DRP2: variants seen among roughly 807,000 people sequenced by gnomAD.
DRP2 encodes the protein dystrophin-related protein 2.
In DRP2, 29 loss-of-function variants were observed where a neutral mutation model predicts 78.2. The ratio of observed to expected loss-of-function variants is 0.37; its 90% CI spans 0.28 to 0.51. DRP2 has a LOEUF of 0.51. Ranked by LOEUF, DRP2 falls within the 20% of genes least tolerant of loss-of-function variation. The pLI is 0.94. For synonymous variants in DRP2, 290 were observed against 281.9 expected, an observed-to-expected ratio of 1.03 and a Z score of -0.29; for missense variants, 686 against 770.6, an observed-to-expected ratio of 0.89 and a Z score of 1.30.
At position 101,235,955 on chromosome X, in the gene DRP2, T is replaced by A. The variant is rs1469336636; in HGVS notation, c.213T>A (p.Ser71=). The A allele has an allele frequency of 8.3e-7, 1 of 1,210,288 alleles. No homozygotes were observed. Among genetic ancestry groups the A allele is most frequent in the Non-Finnish European group, 1.1e-6 (1 of 895,186 alleles). The change falls in exon 4 of 24, where the codon TCT becomes TCA. Residue 71 remains serine (S), a synonymous_variant. Transcript: ENST00000395209. The stretch of plus-strand genomic sequence containing the variant: ...TGTTGAACGGGTCTGTTGGTGCCTC[T>A]GGACCCCTGGAACCACCAGCCATGA... The part of the protein sequence containing the change: ...LKLLNGSVGA[S]GPLEPPAMNL...
intron 21 of DRP2, among the ~76,000 whole-genome samples, chrX:101,256,593 G>A (rs1923346621): frequency 9.3e-6 from 1 of 107,726 alleles, no homozygotes; most frequent in South Asian, 4.2e-4. Context: ...CTGTTGCCCA[G>A]GCTGGAGTGC....
At chrX:101,235,665 C>T (rs1334474112) in intron 3 of DRP2, among the ~76,000 whole-genome samples, 195 bp from the exon 4 acceptor site, 1 of 112,430 alleles carries the variant, frequency 8.9e-6, no homozygotes, top group South Asian at 3.7e-4. Flanking sequence ...TGACCTGTAC[C>T]AAGAGAAGAC....
chrX:101,221,655 T>G, intron 1 of DRP2, among the ~76,000 whole-genome samples: 1 of 112,116 alleles, frequency 8.9e-6, no homozygotes, highest in Non-Finnish European at 1.9e-5. Context: ...ACCCTTCAAG[T>G]CCACCATAAA....
chrX:101,257,657 A>C lies in DRP2; in HGVS notation c.2391-652A>C, dbSNP rs377314224. ...TCCACAACAGAGTGAAAAAAAAAAA[A>C]ACCTGGATTTTTGCCATGAATCATT... On this transcript the variant is annotated intron_variant, in intron 21 of 23. Transcript: ENST00000395209. 2.7e-5 allele frequency among the ~76,000 whole-genome samples: 3 copies of C among 110,395 alleles called. No individual in the cohort carries two copies. In the Admixed American group the frequency reaches 2.9e-4, roughly 11 times the overall value.
At chrX:101,227,315 G>A (rs193242350) in intron 2 of DRP2, among the ~76,000 whole-genome samples, 1 of 111,823 alleles carries the variant, frequency 8.9e-6, no homozygotes, top group Admixed American at 9.5e-5. Flanking sequence ...ACCAGTTGGG[G>A]ACCAAGTCTG....
Position 101,241,904 on chromosome X carries a change from G to C in DRP2, c.796G>C (p.Asp266His). Residue 266 changes from aspartate (D) to histidine (H), a missense_variant, in exon 7 of 24, where the codon GAT becomes CAT. Asp to His is a moderately conservative substitution (Grantham distance 81). Around this residue, in one of 2 missense-constraint regions of DRP2, gnomAD observed 263 missense variants for 239.1 expected, o/e 1.10. Transcript: ENST00000395209. ...TWEPIGDLFIDSLPEHIQAIK... is the reference protein window; with the variant it reads ...TWEPIGDLFIHSLPEHIQAIK... ...GGAGCCCATTGGGGATCTCTTCATT[G>C]ATTCACTCCCAGAGCACATCCAGGC... 8.5e-7 allele frequency: 1 copy of C among 1,170,761 alleles called. No homozygotes were observed.
intron 3 of DRP2, 93 bp from the exon 4 acceptor site, chrX:101,235,767 C>A: frequency 1.1e-6 from 1 of 946,436 alleles, no homozygotes. Context: ...CAACCCTTCT[C>A]TCCCCTTGTT....
chrX:101,231,911 A>G, intron 3 of DRP2, 147 bp downstream of exon 3: 1 of 472,879 alleles, frequency 2.1e-6, no homozygotes. Flanking sequence ...TATTGGGCCC[A>G]TCCTTTATTA....
Position 101,252,705 on chromosome X carries a change from TA to T in DRP2, c.1967del (p.Tyr656PhefsTer11). 8.3e-7 allele frequency: 1 copy of T among 1,208,561 alleles called. No homozygotes were observed. Among genetic ancestry groups the T allele is most frequent in the Non-Finnish European group, 1.1e-6 (1 of 893,105 alleles). On this transcript the variant is annotated frameshift_variant, in exon 17 of 24. Coordinates refer to ENST00000395209, the MANE Select transcript of DRP2 (RefSeq NM_001939.3). LOFTEE classifies it high-confidence loss of function. ...TAAGCTGCACTACCCCATCATGGAG[TA>T]TTACACACCGGTATGAAGCCTCCAG... ...GNKLHYPIME[Y>X]YTPTTSSENM...
chrX:101,220,962 C>G (rs1042758218), intron 1 of DRP2, among the ~76,000 whole-genome samples: 2 of 111,432 alleles, frequency 1.8e-5, no homozygotes, highest in African/African-American at 6.5e-5. Context: ...CCTTTCCCAG[C>G]ATCGGACCAA....
intron 16 of DRP2, among the ~76,000 whole-genome samples, chrX:101,252,292 A>G (rs1209861916): frequency 9.0e-6 from 1 of 111,672 alleles, no homozygotes; most frequent in Non-Finnish European, 1.9e-5. Flanking sequence ...TTAGAAGGCC[A>G]TTTGATATGA....
At chrX:101,225,171 A>AGACC (rs36040534) in intron 2 of DRP2, among the ~76,000 whole-genome samples, 43,191 of 110,098 alleles carry the variant, frequency 0.39, 6,973 homozygotes, top group African/African-American at 0.57. Flanking sequence ...GTGCTGCCCC[A>AGACC]TTAGACTCAC....
chrX:101,236,105 C>T (rs1922495317), intron 4 of DRP2, 82 bp downstream of exon 4: 1 of 1,033,194 alleles, frequency 9.7e-7, no homozygotes, highest in African/African-American at 1.9e-5. Context: ...CTCCTCTCAG[C>T]CTGTGCATCC....
chrX:101,224,327 T>C (rs1386048240), intron 1 of DRP2, among the ~76,000 whole-genome samples: 1 of 93,190 alleles, frequency 1.1e-5, no homozygotes, highest in African/African-American at 4.0e-5. Context: ...GAGGTTGCAG[T>C]GAGCCGAGAT....
chrX:101,249,918 A>C (rs1220371893), intron 14 of DRP2, among the ~76,000 whole-genome samples: 4 of 111,542 alleles, frequency 3.6e-5, no homozygotes. Flanking sequence ...CTCTTTTTGG[A>C]TTATGCATGC....
At chrX:101,252,581 C>G (rs1452891204) in intron 16 of DRP2, 24 bp from the exon 17 acceptor site, 2 of 1,185,153 alleles carry the variant, frequency 1.7e-6, no homozygotes, top group Admixed American at 2.2e-5. Flanking sequence ...ACTCTCTTTC[C>G]TACTACATCT....
intron 2 of DRP2, among the ~76,000 whole-genome samples, chrX:101,230,547 T>A (rs1922269786): frequency 9.1e-6 from 1 of 110,067 alleles, no homozygotes; most frequent in Non-Finnish European, 1.9e-5. Context: ...AATAAATAAA[T>A]AAAATAAAAT....
At position 101,246,681 on chromosome X, in the gene DRP2, T is replaced by C. The variant is rs147968038; in HGVS notation, c.1178-409T>C. On this transcript the variant is annotated intron_variant, in intron 11 of 23. Coordinates refer to ENST00000395209, the MANE Select transcript of DRP2 (RefSeq NM_001939.3). ...TGCAACAGATCCTTAGCAAGAGTCA[T>C]AGTTGATATTAATTTTGTTGTTTTC... is the stretch of plus-strand genomic sequence containing the variant. Among the ~76,000 whole-genome samples, 3 of 112,545 alleles carry C rather than the reference T, an allele frequency of 2.7e-5. No individual in the cohort carries two copies. In the East Asian group the frequency reaches 8.3e-4, roughly 31 times the overall value.
chrX:101,261,770 T>A lies in DRP2; in HGVS notation c.*1149T>A, dbSNP rs1310033981. ...GCCTTCCTGTGCCTAAAATTGTTAT[T>A]TCTAACTCTGGAAGGTGAATCCAAT... On this transcript the variant is annotated 3_prime_UTR_variant, in exon 24 of 24. Transcript: ENST00000395209. 8.9e-6 allele frequency: 1 copy of A among 112,060 alleles called. No homozygotes were observed. The highest frequency in any genetic ancestry group is 3.2e-5 in the African/African-American group (1 of 30,844). 9.2% of individuals were successfully genotyped at this position (112,060 alleles called of 1,213,427 possible).
Sources: allele counts gnomAD v4.1 joint callset (sites outside exome capture counted in the v4.1 genomes callset), GRCh38; gene constraint gnomAD v4.1.1; regional missense constraint gnomAD v4.1.1; transcripts MANE v1.5; gene names NCBI Gene and HGNC (gene_info 2026-07-23, HGNC 2026-07-21).